Variants in CDH4 observed in about 807,000 individuals in gnomAD.
The protein encoded by CDH4 is cadherin 4.
Under a neutral mutation model 86.0 loss-of-function variants are expected in CDH4, and 33 were observed. The ratio of observed to expected loss-of-function variants is 0.38; its 90% CI spans 0.29 to 0.51. The LOEUF (loss-of-function observed/expected upper bound fraction) is 0.51, where lower values mean the gene tolerates loss of function less well. Ranked by LOEUF, CDH4 falls within the 20% of genes least tolerant of loss-of-function variation. The probability of loss-of-function intolerance (pLI) is 0.86; values close to 1 mark genes in which losing one functional copy is unlikely to be tolerated. For missense variants in CDH4, 1,114 were observed against 1,307.4 expected (o/e 0.85, Z 2.28); for synonymous variants, 555 against 549.4 (o/e 1.01, Z -0.14).
At chr20:61,926,056 G>A (rs1191362190) in intron 11 of CDH4, among the ~76,000 whole-genome samples, 1 of 152,208 alleles carries the variant, frequency 6.6e-6, no homozygotes, top group Non-Finnish European at 1.5e-5. Context: ...ACAGAAAATG[G>A]ATATTGGGGA....
chr20:61,837,382 G>A (rs1450610565), intron 4 of CDH4, among the ~76,000 whole-genome samples: 2 of 152,176 alleles, frequency 1.3e-5, no homozygotes, highest in East Asian at 1.9e-4. Flanking sequence ...AGGCTACTTA[G>A]GCCAGCAGTA....
intron 2 of CDH4, among the ~76,000 whole-genome samples, chr20:61,395,209 A>G (rs375336432): frequency 3.3e-5 from 5 of 152,086 alleles, no homozygotes; most frequent in African/African-American, 1.2e-4. Flanking sequence ...ACTCATCCAG[A>G]GAAAAATATT....
chr20:61,874,324 G>T (rs1217255099), intron 7 of CDH4, among the ~76,000 whole-genome samples: 1 of 152,164 alleles, frequency 6.6e-6, no homozygotes, highest in Non-Finnish European at 1.5e-5. Flanking sequence ...GGCTGCGGCG[G>T]CCTGGCTGTG....
rs1322569322 is a variant in CDH4, at chr20:61,923,506, A to G, written c.1430A>G (p.Gln477Arg). ...AFMLTVMVSN[Q>R]APLASGIQMS... ...ATGCTGACAGTGATGGTGTCCAACC[A>G]GGCGCCCCTGGCCAGCGGAATCCAG... is the stretch of plus-strand genomic sequence containing the variant. The change falls in exon 10 of 16, where the codon CAG becomes CGG. Residue 477 changes from glutamine (Q) to arginine (R), a missense_variant. Coordinates refer to ENST00000614565, the MANE Select transcript of CDH4 (RefSeq NM_001794.5). 23 of 1,614,072 alleles carry G rather than the reference A, an allele frequency of 1.4e-5. No individual in the cohort carries two copies. Among genetic ancestry groups the G allele is most frequent in the Middle Eastern group, 3.3e-4 (2 of 6,084 alleles).
At chr20:61,497,064 C>T (rs2145595303) in intron 2 of CDH4, among the ~76,000 whole-genome samples, 1 of 151,674 alleles carries the variant, frequency 6.6e-6, no homozygotes, top group African/African-American at 2.4e-5. Context: ...TTACGTTCAC[C>T]ATTGGCATGG....
intron 2 of CDH4, among the ~76,000 whole-genome samples, chr20:61,414,825 A>G (rs1256505404): frequency 1.3e-5 from 2 of 152,222 alleles, no homozygotes; most frequent in African/African-American, 4.8e-5. Context: ...TTGCAGAGCC[A>G]GCCTGCCTCC....
chr20:61,711,718 C>T (rs930216520), intron 2 of CDH4, among the ~76,000 whole-genome samples: 5 of 152,158 alleles, frequency 3.3e-5, no homozygotes, highest in African/African-American at 1.2e-4. Context: ...TGGGGAGGGC[C>T]GTTATTCTGC....
chr20:61,472,310 T>C (rs1206961490), intron 2 of CDH4, among the ~76,000 whole-genome samples: 3 of 152,242 alleles, frequency 2.0e-5, no homozygotes, highest in East Asian at 1.9e-4. Context: ...TTGTCTGATA[T>C]AAGTGTAGCT....
chr20:61,698,743 C>T (rs937501055), intron 2 of CDH4, among the ~76,000 whole-genome samples: 3 of 152,344 alleles, frequency 2.0e-5, no homozygotes, highest in South Asian at 4.1e-4. Context: ...TAGACCCCCC[C>T]GCAGTGTGAC....
chr20:61,352,435 C>T (rs1304347479), intron 2 of CDH4, among the ~76,000 whole-genome samples: 2 of 152,186 alleles, frequency 1.3e-5, no homozygotes, highest in South Asian at 2.1e-4. Context: ...GCAGTGAGCA[C>T]GTCTGAAAAT....
At chr20:61,674,860 G>A (rs931872436) in intron 2 of CDH4, among the ~76,000 whole-genome samples, 4 of 152,202 alleles carry the variant, frequency 2.6e-5, no homozygotes, top group African/African-American at 9.7e-5. Context: ...CTCAAGCCAA[G>A]TCTGGCCCCC....
intron 2 of CDH4, among the ~76,000 whole-genome samples, chr20:61,355,485 A>C (rs961149555): frequency 6.6e-6 from 1 of 152,214 alleles, no homozygotes; most frequent in Non-Finnish European, 1.5e-5. Context: ...TGAAAGATGA[A>C]GCAAAAGACC....
intron 2 of CDH4, among the ~76,000 whole-genome samples, chr20:61,725,814 CAA>C: frequency 6.6e-6 from 1 of 152,174 alleles, no homozygotes; most frequent in Non-Finnish European, 1.5e-5. Flanking sequence ...CTCAGGACAG[CAA>C]AGAGAGCTGT....
At chr20:61,293,004 C>T (rs6101296) in intron 2 of CDH4, among the ~76,000 whole-genome samples, 2,260 of 152,256 alleles carry the variant, frequency 0.015, 63 homozygotes, top group African/African-American at 0.052. Context: ...GGCGACCTGC[C>T]TAGGGGCCTG....
intron 2 of CDH4, among the ~76,000 whole-genome samples, chr20:61,321,048 C>G (rs959265420): frequency 6.6e-6 from 1 of 152,150 alleles, no homozygotes; most frequent in Non-Finnish European, 1.5e-5. Context: ...CCAGGGTCCC[C>G]TGACACCGTG....
intron 2 of CDH4, among the ~76,000 whole-genome samples, chr20:61,266,934 C>T (rs553406631): frequency 8.3e-4 from 126 of 152,186 alleles, no homozygotes; most frequent in African/African-American, 2.9e-3. Context: ...CTGGGTGGGC[C>T]GTAAATCCAA....
At chr20:61,616,423 A>G (rs2086725666) in intron 2 of CDH4, among the ~76,000 whole-genome samples, 1 of 152,314 alleles carries the variant, frequency 6.6e-6, no homozygotes, top group Non-Finnish European at 1.5e-5. Flanking sequence ...AGGACAGTCC[A>G]TAGCGCCTTC....
At chr20:61,514,197 G>C (rs1351379330) in intron 2 of CDH4, among the ~76,000 whole-genome samples, 2 of 152,286 alleles carry the variant, frequency 1.3e-5, no homozygotes, top group East Asian at 3.9e-4. Flanking sequence ...AAAAGCTTGA[G>C]GTCATCAGAA....
In CDH4 at chr20:61,392,127, G is replaced by A. The variant is rs924256222; in HGVS notation, c.169+137190G>A. Among the ~76,000 whole-genome samples, 1 of 151,808 alleles carries A rather than the reference G, an allele frequency of 6.6e-6. No homozygotes were observed. The highest frequency in any genetic ancestry group is 1.5e-5 in the Non-Finnish European group (1 of 67,992). ...AGCTTTGCAGGACCAAGTGGTGGTC[G>A]GGCAGCCCGTGCTGCAGGAGGTGAA... On this transcript the variant is annotated intron_variant, in intron 2 of 15. Coordinates refer to ENST00000614565, the MANE Select transcript of CDH4 (RefSeq NM_001794.5). This position sits in a 1 kb window ranked among gnomAD's most constrained non-coding sequence, Gnocchi z 5.7.
Sources: gnomAD v4.1 joint callset for allele counts (sites outside exome capture counted in the v4.1 genomes callset) on GRCh38, gnomAD v4.1.1 for gene constraint, Gnocchi (gnomAD v3.1) non-coding constraint, MANE v1.5 for transcripts, NCBI Gene and HGNC (gene_info 2026-07-23, HGNC 2026-07-21) for gene names.